RFX2: variants seen among roughly 807,000 people sequenced by gnomAD.
RFX2 encodes DNA-binding protein RFX2.
A neutral mutation model predicts 87.8 loss-of-function variants in RFX2; 20 were observed. The observed-to-expected ratio is 0.23, with a 90% CI of 0.16 to 0.33. The LOEUF (loss-of-function observed/expected upper bound fraction) is 0.33, where lower values mean the gene tolerates loss of function less well. Among genes scored for constraint, RFX2 ranks in the 10% least tolerant of loss-of-function variants. The pLI is 1.00. For synonymous variants in RFX2, 397 were observed against 431.3 expected (o/e 0.92, Z 0.98); for missense variants, 767 against 1,012.3 (o/e 0.76, Z 3.29).
At chr19:6,025,728 C>T (rs955262785) in intron 6 of RFX2, among the ~76,000 whole-genome samples, 1 of 151,552 alleles carries the variant, frequency 6.6e-6, no homozygotes, top group African/African-American at 2.4e-5. Flanking sequence ...AGATTGGCTT[C>T]CCCTCAACCA....
intron 5 of RFX2, among the ~76,000 whole-genome samples, chr19:6,034,816 C>T (rs1468488103): frequency 1.3e-5 from 2 of 152,158 alleles, no homozygotes; most frequent in Non-Finnish European, 2.9e-5. Context: ...GCTCTCTGAA[C>T]CTTTTCTAGT....
intron 1 of RFX2, among the ~76,000 whole-genome samples, chr19:6,065,633 A>C (rs2087499184): frequency 6.6e-6 from 1 of 152,174 alleles, no homozygotes; most frequent in African/African-American, 2.4e-5. Context: ...CACAAATGAC[A>C]TTCCATTATA....
chr19:6,002,916 T>C lies in RFX2; in HGVS notation c.1501-46A>G, dbSNP rs2086513738. The C allele has an allele frequency of 6.4e-7, 1 of 1,565,922 alleles. No individual in the cohort carries two copies. On this transcript the variant is annotated intron_variant, in intron 13 of 17. Transcript: ENST00000303657. The surrounding 1 kb of genome is among the most constrained non-coding windows in gnomAD (Gnocchi z 6.7). ...TGAGCAGGGGTTCGCAGGGAGAGCCTGTTCCGCTGCGCTCCTTGCAGGGGT... is the reference window on the plus strand; with the variant it reads ...TGAGCAGGGGTTCGCAGGGAGAGCCCGTTCCGCTGCGCTCCTTGCAGGGGT...
intron 1 of RFX2, among the ~76,000 whole-genome samples, chr19:6,088,971 AC>A (rs1436952913): frequency 1.1e-4 from 17 of 152,214 alleles, no homozygotes; most frequent in Admixed American, 1.1e-3. Context: ...CAATTTATGG[AC>A]ACTGAAATGT....
intron 1 of RFX2, chr19:6,073,093 C>A: frequency 2.2e-6 from 1 of 450,458 alleles, no homozygotes; most frequent in Non-Finnish European, 4.1e-6. Flanking sequence ...AATTCTCATG[C>A]CTCAGCCTCC....
chr19:6,085,106 A>G (rs1165372495), intron 1 of RFX2, among the ~76,000 whole-genome samples: 1 of 152,194 alleles, frequency 6.6e-6, no homozygotes, highest in East Asian at 1.9e-4. Flanking sequence ...TTGTTGGTGG[A>G]CACTTGAGTT....
chr19:6,100,924 T>C, intron 1 of RFX2, among the ~76,000 whole-genome samples: 1 of 149,502 alleles, frequency 6.7e-6, no homozygotes, highest in South Asian at 2.1e-4. Context: ...TAATTTTTAC[T>C]CACCCGCGTC....
chr19:6,062,820 G>A (rs903473180), intron 1 of RFX2, among the ~76,000 whole-genome samples: 5 of 152,150 alleles, frequency 3.3e-5, no homozygotes, highest in Admixed American at 6.5e-5. Flanking sequence ...GTAAATCAGC[G>A]TGACTTAGAA....
chr19:6,065,442 C>A (rs1402556616), intron 1 of RFX2, among the ~76,000 whole-genome samples: 1 of 152,086 alleles, frequency 6.6e-6, no homozygotes, highest in Non-Finnish European at 1.5e-5. Context: ...GTCAGAAGAT[C>A]GAGACCATCC....
intron 1 of RFX2, among the ~76,000 whole-genome samples, chr19:6,048,442 C>A (rs528512704): frequency 6.6e-5 from 10 of 152,278 alleles, no homozygotes; most frequent in Admixed American, 5.9e-4. Flanking sequence ...AAACAATCGG[C>A]TATGTTGAGC....
In RFX2 at chr19:6,002,546, T is replaced by A. The variant is rs576496904; in HGVS notation, c.1650+175A>T. Among the ~76,000 whole-genome samples the A allele has an allele frequency of 6.6e-6, 1 of 151,270 alleles. No individual in the cohort carries two copies. The highest frequency in any genetic ancestry group is 2.1e-4 in the South Asian group (1 of 4,776). The stretch of plus-strand genomic sequence containing the variant: ...CAGAGGGCCCTGAGAGATGATGGAG[T>A]GGAGAGAGCTGGGGGCTGTGGGTGG... On this transcript the variant is annotated intron_variant, in intron 14 of 17. Coordinates refer to ENST00000303657, the MANE Select transcript of RFX2 (RefSeq NM_000635.4). The surrounding 1 kb of genome is among the most constrained non-coding windows in gnomAD (Gnocchi z 6.7).
At chr19:5,995,706 C>G in intron 16 of RFX2, 63 bp from the exon 17 acceptor site, 1 of 1,426,228 alleles carries the variant, frequency 7.0e-7, no homozygotes. Context: ...TTTGGGGGCT[C>G]GGGGGATGCC....
At chr19:6,108,718 T>A (rs2088259372) in intron 1 of RFX2, among the ~76,000 whole-genome samples, 1 of 151,510 alleles carries the variant, frequency 6.6e-6, no homozygotes, top group Non-Finnish European at 1.5e-5. Flanking sequence ...GGGGCGGGGG[T>A]AAGGCAGCCA....
At chr19:6,095,333 A>C (rs1324967407) in intron 1 of RFX2, among the ~76,000 whole-genome samples, 1 of 152,226 alleles carries the variant, frequency 6.6e-6, no homozygotes. Flanking sequence ...TGTGATCTCT[A>C]TCTAGTAAGA....
At position 6,023,904 on chromosome 19, in the gene RFX2, A is replaced by G. The variant is rs2086852915; in HGVS notation, c.597+2259T>C. Reference sequence around the variant, plus strand: ...AAGCGATTCTCCTGTCTCAGCCTCCAGAGTAGCTGGGACTACAGGCATGTG... The same window carrying G: ...AAGCGATTCTCCTGTCTCAGCCTCCGGAGTAGCTGGGACTACAGGCATGTG... On this transcript the variant is annotated intron_variant, in intron 6 of 17. Transcript: ENST00000303657. This position sits in a 1 kb window ranked among gnomAD's most constrained non-coding sequence, Gnocchi z 4.9. Among the ~76,000 whole-genome samples the G allele has an allele frequency of 6.6e-6, 1 of 151,730 alleles. No individual in the cohort carries two copies. Among genetic ancestry groups the G allele is most frequent in the South Asian group, 2.1e-4 (1 of 4,816 alleles).
intron 13 of RFX2, among the ~76,000 whole-genome samples, chr19:6,003,466 C>G (rs1430765146): frequency 1.3e-5 from 2 of 152,076 alleles, no homozygotes; most frequent in Non-Finnish European, 2.9e-5. Flanking sequence ...CTCCTCTCAC[C>G]CAAGAGCCCT....
At chr19:6,089,240 C>T (rs562926376) in intron 1 of RFX2, among the ~76,000 whole-genome samples, 12 of 152,170 alleles carry the variant, frequency 7.9e-5, no homozygotes, top group Non-Finnish European at 1.3e-4. Context: ...CAAATAACCA[C>T]GCTAGAAATC....
At chr19:6,069,372 A>G (rs1373098319) in intron 1 of RFX2, among the ~76,000 whole-genome samples, 2 of 152,064 alleles carry the variant, frequency 1.3e-5, no homozygotes, top group Non-Finnish European at 2.9e-5. Flanking sequence ...TATAGAGAAC[A>G]TGGGATGGGG....
In RFX2 at chr19:5,997,036, C is replaced by T. The variant is rs745389653; in HGVS notation, c.2013+24G>A. On this transcript the variant is annotated intron_variant, in intron 16 of 17. Coordinates refer to ENST00000303657, the MANE Select transcript of RFX2 (RefSeq NM_000635.4). This position sits in a 1 kb window ranked among gnomAD's most constrained non-coding sequence, Gnocchi z 4.2. Reference sequence around the variant, plus strand: ...CCCACAGGCCCGGCCAAGCCCCGGCCGTCCCACCCAGGAGGGTCCTCACCT... The same window carrying T: ...CCCACAGGCCCGGCCAAGCCCCGGCTGTCCCACCCAGGAGGGTCCTCACCT... The T allele has an allele frequency of 6.9e-6, 11 of 1,594,878 alleles. No homozygotes were observed. The South Asian group carries it at 7.8e-5, about 11-fold the overall frequency.
Sources: gnomAD v4.1 joint callset for allele counts (sites outside exome capture counted in the v4.1 genomes callset) on GRCh38, gnomAD v4.1.1 for gene constraint, Gnocchi (gnomAD v3.1) non-coding constraint, MANE v1.5 for transcripts, NCBI Gene and HGNC (gene_info 2026-07-23, HGNC 2026-07-21) for gene names.